The following RSRC1 variants were observed in gnomAD, a reference collection of about 807,000 sequenced individuals.
The protein encoded by RSRC1 is serine/Arginine-related protein 53.
A neutral mutation model predicts 49.1 loss-of-function variants in RSRC1; 39 were observed. The ratio of observed to expected loss-of-function variants is 0.79; its 90% CI spans 0.61 to 1.04. RSRC1 has a LOEUF of 1.04. RSRC1 is among the 50% of genes least tolerant of loss of function. RSRC1 has a pLI of 0.00. For synonymous variants in RSRC1, 143 were observed against 130.8 expected (o/e 1.09, Z -0.63); for missense variants, 388 against 402.4 (o/e 0.96, Z 0.31).
At chr3:158,215,040 CT>C (rs35547463) in intron 4 of RSRC1, among the ~76,000 whole-genome samples, 98,230 of 151,440 alleles carry the variant, frequency 0.65, 32,137 homozygotes, top group East Asian at 0.84. Flanking sequence ...TCAGATTTTG[CT>C]TTGTGTATTT....
chr3:158,210,886 G>A (rs531539950), intron 4 of RSRC1, among the ~76,000 whole-genome samples: 1 of 152,156 alleles, frequency 6.6e-6, no homozygotes, highest in East Asian at 1.9e-4. Flanking sequence ...TGCCCAATGG[G>A]ATTTGACTTG....
At chr3:158,214,128 G>C (rs552262636) in intron 4 of RSRC1, among the ~76,000 whole-genome samples, 1 of 151,978 alleles carries the variant, frequency 6.6e-6, no homozygotes, top group African/African-American at 2.4e-5. Context: ...ATGATCTAAA[G>C]TATACAGGAG....
At chr3:158,204,905 ATGAG>A (rs2108281483) in intron 4 of RSRC1, among the ~76,000 whole-genome samples, 1 of 152,256 alleles carries the variant, frequency 6.6e-6, no homozygotes, top group South Asian at 2.1e-4. Flanking sequence ...GGTAAGAAAT[ATGAG>A]AGAGTGAATA....
At chr3:158,488,303 TTTAA>T (rs1738915366) in intron 7 of RSRC1, among the ~76,000 whole-genome samples, 1 of 152,220 alleles carries the variant, frequency 6.6e-6, no homozygotes, top group South Asian at 2.1e-4. Context: ...TGTGCCACAA[TTTAA>T]TTGACAGCTT....
intron 4 of RSRC1, among the ~76,000 whole-genome samples, chr3:158,212,165 A>G (rs1721711136): frequency 6.6e-6 from 1 of 151,974 alleles, no homozygotes; most frequent in Non-Finnish European, 1.5e-5. Context: ...CTTGGATTAT[A>G]GTAAGTACTC....
rs1233512214 is a variant in RSRC1 at position 158,421,473 on chromosome 3, T to C, written c.584-39462T>C. Among the ~76,000 whole-genome samples, 9 of 151,942 alleles carry C rather than the reference T, an allele frequency of 5.9e-5. No individual in the cohort carries two copies. The East Asian group carries it at 1.8e-3, about 30-fold the overall frequency. ...AATTTTAGGAAGGCTAGTAAGATCA[T>C]TGCAGTAATTAAAGTGAAAGATTCT... On this transcript the variant is annotated intron_variant, in intron 6 of 9. Transcript: ENST00000611884.
chr3:158,528,750 A>G (rs1712195253), intron 7 of RSRC1, among the ~76,000 whole-genome samples: 1 of 151,954 alleles, frequency 6.6e-6, no homozygotes, highest in African/African-American at 2.4e-5. Flanking sequence ...TTCCTACCCT[A>G]TTAAAATAAG....
At chr3:158,481,392 G>A (rs1487931651) in intron 7 of RSRC1, among the ~76,000 whole-genome samples, 1 of 151,952 alleles carries the variant, frequency 6.6e-6, no homozygotes, top group Non-Finnish European at 1.5e-5. Context: ...GATTTTTTTA[G>A]TGTTCTCTTA....
At chr3:158,515,101 C>A (rs55908426) in intron 7 of RSRC1, among the ~76,000 whole-genome samples, 39,095 of 139,826 alleles carry the variant, frequency 0.28, 5,691 homozygotes, top group South Asian at 0.35. Context: ...TTAATTGGAG[C>A]ATTTAGTCCA....
At chr3:158,214,010 T>TG (rs558108991) in intron 4 of RSRC1, among the ~76,000 whole-genome samples, 171 of 150,960 alleles carry the variant, frequency 1.1e-3, no homozygotes, top group Middle Eastern at 3.4e-3. Flanking sequence ...GAAATGTTTG[T>TG]GGGAAAAAAC....
chr3:158,504,331 A>G (rs943190252), intron 7 of RSRC1, among the ~76,000 whole-genome samples: 3 of 152,128 alleles, frequency 2.0e-5, no homozygotes, highest in Admixed American at 2.0e-4. Context: ...AAAATTCACA[A>G]TGCAAGCCTC....
intron 5 of RSRC1, among the ~76,000 whole-genome samples, chr3:158,343,012 A>G (rs1730342341): frequency 6.6e-6 from 1 of 152,216 alleles, no homozygotes. Flanking sequence ...TCACAGAACA[A>G]GTTACCTGAG....
intron 6 of RSRC1, among the ~76,000 whole-genome samples, chr3:158,391,950 A>T (rs1733329794): frequency 6.6e-6 from 1 of 152,112 alleles, no homozygotes; most frequent in African/African-American, 2.4e-5. Context: ...AATAAGCCTT[A>T]TTAAGCCAGA....
At chr3:158,337,589 T>G (rs142967826) in intron 5 of RSRC1, among the ~76,000 whole-genome samples, 197 of 152,334 alleles carry the variant, frequency 1.3e-3, no homozygotes, top group African/African-American at 4.5e-3. Context: ...GTGGTTAGAA[T>G]AATTATTAGT....
At chr3:158,433,707 T>C (rs1735897036) in intron 6 of RSRC1, among the ~76,000 whole-genome samples, 1 of 151,980 alleles carries the variant, frequency 6.6e-6, no homozygotes, top group Non-Finnish European at 1.5e-5. Context: ...GTTAAATCTA[T>C]CTAAAATCTG....
At chr3:158,534,232 T>C (rs1349188841) in intron 7 of RSRC1, among the ~76,000 whole-genome samples, 1 of 151,722 alleles carries the variant, frequency 6.6e-6, no homozygotes, top group Non-Finnish European at 1.5e-5. Context: ...TCATTATAAA[T>C]TGTGATTGGT....
In RSRC1 at chr3:158,167,379, C is replaced by T. The variant is rs575283184; in HGVS notation, c.321-35693C>T. On this transcript the variant is annotated intron_variant, in intron 3 of 9. Transcript: ENST00000611884. ...CTAATTTTTGTGTATTTTGTAGAAA[C>T]AGAGTTTCACCATGTTGCCTAGGCT... Among the ~76,000 whole-genome samples the T allele has an allele frequency of 3.1e-4, 47 of 152,156 alleles. No homozygotes were observed. The South Asian group carries it at 9.5e-3, about 31-fold the overall frequency.
intron 6 of RSRC1, among the ~76,000 whole-genome samples, chr3:158,394,539 T>C (rs1733503279): frequency 6.6e-6 from 1 of 151,986 alleles, no homozygotes; most frequent in African/African-American, 2.4e-5. Flanking sequence ...TTCTATACAC[T>C]AACAACATTC....
rs566106613 is a variant in RSRC1 at position 158,441,284 on chromosome 3, C to T, written c.584-19651C>T. On this transcript the variant is annotated intron_variant, in intron 6 of 9. Transcript: ENST00000611884. Reference sequence around the variant, plus strand: ...CTGTTGTTTAGCAATATATTGAGTACTAGGGTTAAACAGATGAGCTGAAGA... The same window carrying T: ...CTGTTGTTTAGCAATATATTGAGTATTAGGGTTAAACAGATGAGCTGAAGA... Among the ~76,000 whole-genome samples, 94 of 152,084 alleles carry T rather than the reference C, an allele frequency of 6.2e-4. 1 individual carries two copies. In the South Asian group the frequency reaches 0.019, roughly 31 times the overall value.
Sources: gnomAD v4.1 joint callset for allele counts (sites outside exome capture counted in the v4.1 genomes callset) on GRCh38, gnomAD v4.1.1 for gene constraint, MANE v1.5 for transcripts, NCBI Gene and HGNC (gene_info 2026-07-23, HGNC 2026-07-21) for gene names.